PFKFB3: variants seen among roughly 807,000 people sequenced by gnomAD.
The protein encoded by PFKFB3 is 6-phosphofructo-2-kinase/fructose-2,6-biphosphatase 3, also known as 6-phosphofructo-2-kinase/fructose-2,6-bisphosphatase 3.
In PFKFB3, 33 loss-of-function variants were observed where a neutral mutation model predicts 68.0. The ratio of observed to expected loss-of-function variants is 0.49; its 90% CI spans 0.37 to 0.65. The LOEUF (loss-of-function observed/expected upper bound fraction) is 0.65. Ranked by LOEUF, PFKFB3 falls within the 30% of genes least tolerant of loss-of-function variation. PFKFB3 has a pLI of 0.00. For synonymous variants in PFKFB3, 315 were observed against 288.2 expected (o/e 1.09, Z -0.94); for missense variants, 586 against 712.2 (o/e 0.82, Z 2.02).
At chr10:6,148,487 G>C (rs2131670559) in intron 1 of PFKFB3, among the ~76,000 whole-genome samples, 1 of 152,346 alleles carries the variant, frequency 6.6e-6, no homozygotes, top group Middle Eastern at 3.4e-3. Context: ...TCCTGGCCCA[G>C]GTGGGGGAAG....
At chr10:6,255,707 C>T (rs1373579517), downstream of PFKFB3, among the ~76,000 whole-genome samples, 1 of 152,134 alleles carries the variant, frequency 6.6e-6, no homozygotes, top group Non-Finnish European at 1.5e-5. Flanking sequence ...AGCGGGAACT[C>T]CATGTTCTGA....
At chr10:6,174,501 G>A (rs1170624436) in intron 1 of PFKFB3, among the ~76,000 whole-genome samples, 1 of 152,232 alleles carries the variant, frequency 6.6e-6, no homozygotes, top group Non-Finnish European at 1.5e-5. Flanking sequence ...GCTGACCTGG[G>A]CTTGGAGGCC....
the PFKFB3 span, among the ~76,000 whole-genome samples, chr10:6,282,477 T>C: frequency 6.6e-6 from 1 of 152,168 alleles, no homozygotes; most frequent in Non-Finnish European, 1.5e-5. Flanking sequence ...AGCACCACTG[T>C]AAATTTAAAG....
Position 6,228,646 on chromosome 10 carries a change from A to G in PFKFB3, c.1515+2281A>G, listed in dbSNP as rs116443764. Among the ~76,000 whole-genome samples, 1,270 of 151,988 alleles carry G rather than the reference A, an allele frequency of 8.4e-3. 23 individuals carry two copies. The highest frequency in any genetic ancestry group is 0.029 in the African/African-American group (1,186 of 41,468). Reference sequence around the variant, plus strand: ...GGAGTGTCCTTTGTTTTGGAAGGAAAACTTACTCAGAGCCTAATCTGTAAA... The same window carrying G: ...GGAGTGTCCTTTGTTTTGGAAGGAAGACTTACTCAGAGCCTAATCTGTAAA... On this transcript the variant is annotated intron_variant, in intron 14 of 14. Coordinates refer to ENST00000379775, the MANE Select transcript of PFKFB3 (RefSeq NM_004566.4). This position sits in a 1 kb window ranked among gnomAD's most constrained non-coding sequence, Gnocchi z 4.5.
At chr10:6,277,359 T>A in the PFKFB3 span, among the ~76,000 whole-genome samples, 1 of 151,834 alleles carries the variant, frequency 6.6e-6, no homozygotes, top group Non-Finnish European at 1.5e-5. Context: ...TAGCTGGGAT[T>A]ACAGGTGCAC....
intron 1 of PFKFB3, among the ~76,000 whole-genome samples, chr10:6,192,816 A>C (rs1466361894): frequency 6.6e-6 from 1 of 152,110 alleles, no homozygotes; most frequent in East Asian, 1.9e-4. Context: ...GTGGGCTTGC[A>C]CAGTTACAAA....
At chr10:6,293,782 T>TAG in the PFKFB3 span, 2,011 of 374,410 alleles carry the variant, frequency 5.4e-3, 16 homozygotes, top group Middle Eastern at 0.02. Context: ...CTTGTGCACT[T>TAG]TATCTGAGCT....
At chr10:6,258,043 C>T (rs181893699), downstream of PFKFB3, among the ~76,000 whole-genome samples, 18 of 152,158 alleles carry the variant, frequency 1.2e-4, 1 homozygote, top group African/African-American at 4.1e-4. Context: ...AAGGGACCGG[C>T]GGGTAGAAGC....
chr10:6,224,579 C>A, intron 13 of PFKFB3: 1 of 435,852 alleles, frequency 2.3e-6, no homozygotes, highest in Non-Finnish European at 4.6e-6. Flanking sequence ...CTCCTGGGTT[C>A]AAGTGATCCT....
chr10:6,194,590 A>C (rs998205024), intron 1 of PFKFB3, among the ~76,000 whole-genome samples: 6 of 152,198 alleles, frequency 3.9e-5, no homozygotes, highest in African/African-American at 1.4e-4. Flanking sequence ...GCTTAGTGTA[A>C]GCAATGTCTT....
chr10:6,270,277 A>G, the PFKFB3 span, among the ~76,000 whole-genome samples: 15 of 152,306 alleles, frequency 9.8e-5, 2 homozygotes, highest in Admixed American at 6.5e-4. Context: ...CCCTCTCCAC[A>G]AATCTCTCAC....
rs1845548623 is a variant in PFKFB3 at position 6,228,964 on chromosome 10, T to C, written c.1515+2599T>C. On this transcript the variant is annotated intron_variant, in intron 14 of 14. Transcript: ENST00000379775. The surrounding 1 kb of genome is among the most constrained non-coding windows in gnomAD (Gnocchi z 4.5). ...GGGCTGTGTTCCCACTGCTCTGGGA[T>C]CCCTTCCCCACCAGGAGCAGAGGCC... The C allele has an allele frequency of 1.2e-5, 5 of 418,474 alleles. No individual in the cohort carries two copies. Among genetic ancestry groups the C allele is most frequent in the South Asian group, 7.3e-5 (4 of 55,152 alleles). 25.9% of individuals were successfully genotyped at this position (418,474 alleles called of 1,614,324 possible).
chr10:6,213,226 G>A (rs1428669237), intron 1 of PFKFB3, among the ~76,000 whole-genome samples: 1 of 152,160 alleles, frequency 6.6e-6, no homozygotes, highest in Non-Finnish European at 1.5e-5. Flanking sequence ...TTCAGGATGG[G>A]GAGATGAAAT....
At chr10:6,277,101 A>T in the PFKFB3 span, among the ~76,000 whole-genome samples, 1 of 152,178 alleles carries the variant, frequency 6.6e-6, no homozygotes, top group Admixed American at 6.5e-5. Context: ...TATGTGATAC[A>T]GTTTGGATCT....
At chr10:6,278,442 A>G in the PFKFB3 span, among the ~76,000 whole-genome samples, 4 of 151,396 alleles carry the variant, frequency 2.6e-5, no homozygotes, top group East Asian at 5.8e-4. Flanking sequence ...CAGCCAGCTA[A>G]TTTTTGTAAT....
intron 14 of PFKFB3, among the ~76,000 whole-genome samples, chr10:6,249,330 T>A (rs191219238): frequency 8.1e-4 from 124 of 152,214 alleles, no homozygotes; most frequent in African/African-American, 2.8e-3. Context: ...GATCTAGCAA[T>A]CTCACTTCTG....
the PFKFB3 span, among the ~76,000 whole-genome samples, chr10:6,271,060 A>T: frequency 2.0e-5 from 3 of 152,256 alleles, no homozygotes; most frequent in African/African-American, 7.2e-5. Flanking sequence ...ATTGGGAAAG[A>T]AAGTGAAAGA....
At chr10:6,277,242 C>CTT in the PFKFB3 span, among the ~76,000 whole-genome samples, 13 of 149,594 alleles carry the variant, frequency 8.7e-5, no homozygotes, top group African/African-American at 3.2e-4. Flanking sequence ...CTTTTCTTTT[C>CTT]TTTTTTTTTG....
At chr10:6,231,500 C>T in intron 14 of PFKFB3, 1 of 985,348 alleles carries the variant, frequency 1.0e-6, no homozygotes, top group Non-Finnish European at 1.2e-6. Context: ...AGCTGGGGCC[C>T]CTGGGTGAAG....
Sources: allele counts gnomAD v4.1 joint callset (sites outside exome capture counted in the v4.1 genomes callset), GRCh38; gene constraint gnomAD v4.1.1; non-coding constraint Gnocchi (gnomAD v3.1); transcripts MANE v1.5; gene names NCBI Gene and HGNC (gene_info 2026-07-23, HGNC 2026-07-21).